UBE2B: variants seen among roughly 807,000 people sequenced by gnomAD.
UBE2B encodes the protein ubiquitin-conjugating enzyme E2 B.
In UBE2B, 11 loss-of-function variants were observed where a neutral mutation model predicts 24.6. The observed-to-expected ratio is 0.45, with a 90% CI of 0.28 to 0.74. The LOEUF (loss-of-function observed/expected upper bound fraction) is 0.74, where lower values mean the gene tolerates loss of function less well. Among genes scored for constraint, UBE2B ranks in the 30% least tolerant of loss-of-function variants. The pLI is 0.13. For missense variants in UBE2B, 78 were observed against 185.6 expected (o/e 0.42, Z 3.37); for synonymous variants, 68 against 62.4 (o/e 1.09, Z -0.42).
chr5:134,382,571 C>G (rs1448860749), intron 4 of UBE2B, among the ~76,000 whole-genome samples: 1 of 152,048 alleles, frequency 6.6e-6, no homozygotes, highest in African/African-American at 2.4e-5. Context: ...CCCAGGAGTT[C>G]AAGACCAGCT....
intron 2 of UBE2B, 45 bp from the exon 3 acceptor site, chr5:134,376,624 G>A (rs1000242295): frequency 3.7e-6 from 6 of 1,600,830 alleles, no homozygotes; most frequent in South Asian, 1.1e-5. Context: ...TCAAGAAAAA[G>A]CAGAATGAGA....
chr5:134,375,127 T>C (rs1758577006), intron 2 of UBE2B, among the ~76,000 whole-genome samples: 2 of 152,156 alleles, frequency 1.3e-5, no homozygotes, highest in Admixed American at 6.5e-5. Context: ...ACGCAAATGC[T>C]CTCATTCTGT....
At chr5:134,379,471 C>T (rs972307036) in intron 3 of UBE2B, among the ~76,000 whole-genome samples, 3 of 151,904 alleles carry the variant, frequency 2.0e-5, no homozygotes, top group East Asian at 3.9e-4. Flanking sequence ...CATGGTGAAA[C>T]GTCGTCTCTA....
Position 134,390,716 on chromosome 5 carries a change from A to G in UBE2B, c.*363A>G. On this transcript the variant is annotated 3_prime_UTR_variant, in exon 6 of 6. Transcript: ENST00000265339. The surrounding 1 kb of genome is among the most constrained non-coding windows in gnomAD (Gnocchi z 4.6). ...TTAGATTTTTAAATTGGAGAAAAGC[A>G]CTTAAAGTTTTTTATATATGAATAT... is the stretch of plus-strand genomic sequence containing the variant. 3.8e-6 allele frequency: 1 copy of G among 260,466 alleles called. No individual in the cohort carries two copies. The highest frequency in any genetic ancestry group is 5.2e-5 in the Admixed American group (1 of 19,342). The allele number at this position is 260,466 out of a possible 1,614,324, so 16.1% of individuals were successfully genotyped here. A position where few individuals can be genotyped will look rare whatever the true frequency, so the allele number is the denominator to read the frequency against.
intron 3 of UBE2B, among the ~76,000 whole-genome samples, chr5:134,380,072 C>T (rs370003247): frequency 1.3e-5 from 2 of 152,020 alleles, no homozygotes; most frequent in African/African-American, 4.8e-5. Context: ...CCCCCATACC[C>T]AGCTCATTTT....
intron 2 of UBE2B, among the ~76,000 whole-genome samples, chr5:134,376,369 A>G (rs1276861987): frequency 9.4e-6 from 1 of 105,860 alleles, no homozygotes; most frequent in Non-Finnish European, 1.9e-5. Context: ...ATATATACAC[A>G]TATGTACAAA....
chr5:134,371,664 A>G, intron 1 of UBE2B, 25 bp downstream of exon 1: 2 of 1,612,998 alleles, frequency 1.2e-6, no homozygotes, highest in Middle Eastern at 1.6e-4. Context: ...CTTCGCCTAG[A>G]TGACGGCCCC....
chr5:134,391,152 A>T lies in UBE2B; in HGVS notation c.*799A>T, dbSNP rs1041191121. The T allele has an allele frequency of 4.8e-4, 74 of 152,754 alleles. No individual in the cohort carries two copies. The highest frequency in any genetic ancestry group is 2.1e-3 in the South Asian group (10 of 4,822). The allele number at this position is 152,754 out of a possible 1,614,324, so 9.5% of individuals were successfully genotyped here. ...TTGCTGCTTGGTAGCACTTTAAAAA[A>T]TTTTTTGATTAATGAAGAAAGTAAA... On this transcript the variant is annotated 3_prime_UTR_variant, in exon 6 of 6. Coordinates refer to ENST00000265339, the MANE Select transcript of UBE2B (RefSeq NM_003337.4).
chr5:134,388,100 C>A (rs564345034), intron 4 of UBE2B: 7 of 548,924 alleles, frequency 1.3e-5, no homozygotes, highest in Non-Finnish European at 2.0e-5. Context: ...CCGTGCCCAG[C>A]CTCCAGCAAT....
At chr5:134,386,460 C>T (rs1340923915) in intron 4 of UBE2B, among the ~76,000 whole-genome samples, 7 of 151,950 alleles carry the variant, frequency 4.6e-5, no homozygotes, top group Non-Finnish European at 7.4e-5. Flanking sequence ...GGCAAAACCC[C>T]GTCTCTACTA....
intron 4 of UBE2B, among the ~76,000 whole-genome samples, chr5:134,386,959 CTTT>C (rs1159258859): frequency 3.0e-5 from 4 of 133,280 alleles, no homozygotes; most frequent in Non-Finnish European, 3.2e-5. Flanking sequence ...TAGTTTTTCA[CTTT>C]TTTTTTTTTT....
At position 134,383,273 on chromosome 5, in the gene UBE2B, A is replaced by C. The variant is rs1052307517; in HGVS notation, c.241+2465A>C. 2.6e-4 allele frequency among the ~76,000 whole-genome samples: 40 copies of C among 152,276 alleles called. 2 individuals carry two copies. In the East Asian group the frequency reaches 7.5e-3, roughly 29 times the overall value. On this transcript the variant is annotated intron_variant, in intron 4 of 5. Transcript: ENST00000265339. ...TTGTTGATAGTTTTCAGTTGTTTACAATTTTAAATAGCACTTTGAACATTC... is the reference window on the plus strand; with the variant it reads ...TTGTTGATAGTTTTCAGTTGTTTACCATTTTAAATAGCACTTTGAACATTC...
intron 2 of UBE2B, among the ~76,000 whole-genome samples, chr5:134,375,732 G>A (rs549389055): frequency 4.0e-5 from 6 of 150,516 alleles, no homozygotes; most frequent in African/African-American, 1.5e-4. Context: ...CCCAGGGGGC[G>A]GAGGCTGCAG....
chr5:134,374,289 C>G, intron 1 of UBE2B, 94 bp from the exon 2 acceptor site: 1 of 1,143,748 alleles, frequency 8.7e-7, no homozygotes, highest in East Asian at 2.6e-5. Context: ...TAGTCTGTGT[C>G]TCAAAATAGA....
chr5:134,386,396 GA>G (rs1758801761), intron 4 of UBE2B, among the ~76,000 whole-genome samples: 1 of 151,714 alleles, frequency 6.6e-6, no homozygotes, highest in African/African-American at 2.4e-5. Context: ...TTGGGAGGCC[GA>G]GGCAGGTGGA....
chr5:134,390,266 C>T lies in UBE2B; in HGVS notation c.372C>T (p.Ser124=), dbSNP rs761365664. Residue 124 remains serine, a synonymous_variant, in exon 6 of 6, where the codon AGC becomes AGT. Transcript: ENST00000265339. This position sits in a 1 kb window ranked among gnomAD's most constrained non-coding sequence, Gnocchi z 4.6. The stretch of plus-strand genomic sequence containing the variant: ...CGAATCCTAACAGTCCAGCCAATAG[C>T]CAGGCAGCACAGCTTTATCAGGAAA... ...DEPNPNSPAN[S]QAAQLYQENK... 2 of 1,613,916 alleles carry T rather than the reference C, an allele frequency of 1.2e-6. No homozygotes were observed. The highest frequency in any genetic ancestry group is 2.7e-5 in the African/African-American group (2 of 74,890).
rs534603757 is a variant in UBE2B, at chr5:134,388,418, G to C, written c.330+5G>C. 6.2e-7 allele frequency: 1 copy of C among 1,611,830 alleles called. No individual in the cohort carries two copies. The highest frequency in any genetic ancestry group is 1.3e-5 in the African/African-American group (1 of 74,888). On this transcript the variant is annotated splice_donor_5th_base_variant and intron_variant, in intron 5 of 5. Coordinates refer to ENST00000265339, the MANE Select transcript of UBE2B (RefSeq NM_003337.4). ...TCTATCTTAACATCAATTCAGGTAA[G>C]TGTGTGTTAGGATGTATTATAATTT...
chr5:134,388,495 G>A, intron 5 of UBE2B, 82 bp downstream of exon 5: 1 of 1,246,120 alleles, frequency 8.0e-7, no homozygotes, highest in Non-Finnish European at 1.2e-6. Flanking sequence ...GTAACCAATG[G>A]CAGAGCTTGG....
At position 134,380,699 on chromosome 5, in the gene UBE2B, T is replaced by G. The variant is rs758019773; in HGVS notation, c.152-20T>G. ...AAAGTCGTGCTTGTCTTTACTATAA[T>G]TATTTTGTTTTCTCTCTAGGTACTT... On this transcript the variant is annotated intron_variant, in intron 3 of 5. Coordinates refer to ENST00000265339, the MANE Select transcript of UBE2B (RefSeq NM_003337.4). 1 of 1,381,554 alleles carries G rather than the reference T, an allele frequency of 7.2e-7. No homozygotes were observed. 85.6% of individuals were successfully genotyped at this position (1,381,554 alleles called of 1,614,324 possible).
Sources: gnomAD v4.1 joint callset for allele counts (sites outside exome capture counted in the v4.1 genomes callset) on GRCh38, gnomAD v4.1.1 for gene constraint, Gnocchi (gnomAD v3.1) non-coding constraint, MANE v1.5 for transcripts, NCBI Gene and HGNC (gene_info 2026-07-23, HGNC 2026-07-21) for gene names.